Variants in MAN2A1 observed in about 807,000 individuals in gnomAD.
MAN2A1 encodes the protein mannosidase alpha class 2A member 1.
In MAN2A1, 76 loss-of-function variants were observed where a neutral mutation model predicts 142.6. The observed-to-expected ratio is 0.53, with a 90% CI of 0.44 to 0.65. MAN2A1 has a LOEUF of 0.65. Among genes scored for constraint, MAN2A1 ranks in the 30% least tolerant of loss-of-function variants. The probability of loss-of-function intolerance (pLI) is 0.00; values close to 1 mark genes in which losing one functional copy is unlikely to be tolerated. For synonymous variants in MAN2A1, 559 were observed against 473.2 expected, an observed-to-expected ratio of 1.18 and a Z score of -2.35; for missense variants, 1,311 against 1,365.1, an observed-to-expected ratio of 0.96 and a Z score of 0.62.
intron 19 of MAN2A1, among the ~76,000 whole-genome samples, chr5:109,851,980 G>C (rs965988050): frequency 6.6e-6 from 1 of 152,044 alleles, no homozygotes; most frequent in African/African-American, 2.4e-5. Flanking sequence ...ATCCCACCAA[G>C]ACCCACAACT....
chr5:109,848,762 C>G (rs181058827), intron 19 of MAN2A1, among the ~76,000 whole-genome samples: 1 of 152,274 alleles, frequency 6.6e-6, no homozygotes, highest in Non-Finnish European at 1.5e-5. Context: ...AGCTTTTGAA[C>G]ACTCTGTTTT....
chr5:109,840,078 A>T (rs143071400), intron 16 of MAN2A1: 1 of 169,382 alleles, frequency 5.9e-6, no homozygotes. Context: ...CATTAACAAG[A>T]TTATGCATTT....
chr5:109,731,391 A>G (rs1240867488), intron 4 of MAN2A1, among the ~76,000 whole-genome samples: 1 of 151,310 alleles, frequency 6.6e-6, no homozygotes, highest in Non-Finnish European at 1.5e-5. Flanking sequence ...TTTAAGTTTT[A>G]GGGTACATGT....
intron 3 of MAN2A1, among the ~76,000 whole-genome samples, chr5:109,722,747 A>G (rs1168772204): frequency 6.6e-6 from 1 of 152,116 alleles, no homozygotes; most frequent in Non-Finnish European, 1.5e-5. Flanking sequence ...GGTTTCTTTT[A>G]GAGACTTTGA....
At chr5:109,793,951 G>A (rs1753798276) in intron 12 of MAN2A1, among the ~76,000 whole-genome samples, 1 of 152,100 alleles carries the variant, frequency 6.6e-6, no homozygotes, top group South Asian at 2.1e-4. Context: ...TTAGTTTAAT[G>A]GGATTCAAGG....
intron 21 of MAN2A1, 38 bp downstream of exon 21, chr5:109,865,184 G>T: frequency 7.1e-7 from 1 of 1,406,054 alleles, no homozygotes; most frequent in Non-Finnish European, 1.0e-6. Flanking sequence ...CTGTTAGTGT[G>T]CTTTGAAATC....
intron 12 of MAN2A1, chr5:109,804,028 C>G (rs901470789): frequency 3.4e-5 from 9 of 261,332 alleles, no homozygotes; most frequent in African/African-American, 6.9e-5. Flanking sequence ...TCCATCATGT[C>G]TTCTGAAATA....
intron 5 of MAN2A1, among the ~76,000 whole-genome samples, chr5:109,756,577 A>C (rs1561495755): frequency 6.6e-6 from 1 of 152,190 alleles, no homozygotes; most frequent in Non-Finnish European, 1.5e-5. Context: ...CCCTTCACCC[A>C]GATTTACCAG....
At chr5:109,738,676 G>A (rs939660896) in intron 4 of MAN2A1, among the ~76,000 whole-genome samples, 1 of 152,096 alleles carries the variant, frequency 6.6e-6, no homozygotes, top group Non-Finnish European at 1.5e-5. Context: ...TGGTTTTTGT[G>A]AGGATTGAAT....
intron 19 of MAN2A1, among the ~76,000 whole-genome samples, chr5:109,853,031 C>T (rs750774018): frequency 1.3e-5 from 2 of 152,162 alleles, no homozygotes; most frequent in Non-Finnish European, 2.9e-5. Flanking sequence ...ACTTCCTTAT[C>T]TTTCTAAGGA....
At chr5:109,712,802 T>C (rs1751338639) in intron 1 of MAN2A1, among the ~76,000 whole-genome samples, 1 of 152,228 alleles carries the variant, frequency 6.6e-6, no homozygotes. Flanking sequence ...GTACCTTCTA[T>C]GTACTTGGAA....
chr5:109,746,433 TTTGCTCTTTTC>T, intron 4 of MAN2A1, among the ~76,000 whole-genome samples: 3 of 152,188 alleles, frequency 2.0e-5, no homozygotes, highest in Non-Finnish European at 4.4e-5. Context: ...TCCTTGTCAT[TTTGCTCTTTTC>T]ACAGGAGGTA....
intron 15 of MAN2A1, among the ~76,000 whole-genome samples, chr5:109,822,959 T>G (rs1403800437): frequency 1.3e-5 from 2 of 152,198 alleles, no homozygotes; most frequent in African/African-American, 2.4e-5. Context: ...TTACAAGGCG[T>G]GAGCCACGGC....
Position 109,847,639 on chromosome 5 carries a change from TG to T in MAN2A1, c.2843-17del. 2 of 1,498,218 alleles carry T rather than the reference TG, an allele frequency of 1.3e-6. No individual in the cohort carries two copies. Among genetic ancestry groups the T allele is most frequent in the South Asian group, 2.7e-5 (2 of 74,722 alleles). 92.8% of individuals were successfully genotyped at this position (1,498,218 alleles called of 1,614,324 possible). A position where few individuals can be genotyped will look rare whatever the true frequency, so the allele number is the denominator to read the frequency against. On this transcript the variant is annotated splice_polypyrimidine_tract_variant and intron_variant, in intron 18 of 21. Coordinates refer to ENST00000261483, the MANE Select transcript of MAN2A1 (RefSeq NM_002372.4). Reference sequence around the variant, plus strand: ...ATTATTCTGGTCAGTTTTGCTTGTTTGTTTGTTTGTGTGTTAGGTCAGATTG... The same window carrying T: ...ATTATTCTGGTCAGTTTTGCTTGTTTTTTGTTTGTGTGTTAGGTCAGATTG...
chr5:109,797,091 G>C (rs1753883564), intron 12 of MAN2A1, among the ~76,000 whole-genome samples: 1 of 152,194 alleles, frequency 6.6e-6, no homozygotes, highest in Admixed American at 6.5e-5. Context: ...AGCAAACACA[G>C]AGTCTAGGTA....
intron 8 of MAN2A1, among the ~76,000 whole-genome samples, chr5:109,780,478 T>C (rs1753425792): frequency 1.3e-5 from 2 of 151,972 alleles, no homozygotes. Context: ...AGCTATGCTA[T>C]TGCTACCTTG....
At chr5:109,692,450 C>CATTCTA (rs1561462231) in intron 1 of MAN2A1, among the ~76,000 whole-genome samples, 1 of 152,156 alleles carries the variant, frequency 6.6e-6, no homozygotes, top group African/African-American at 2.4e-5. Context: ...AGCAGATAGA[C>CATTCTA]ATTCTAAGAC....
intron 20 of MAN2A1, among the ~76,000 whole-genome samples, chr5:109,856,976 T>A (rs940908963): frequency 6.6e-6 from 1 of 152,124 alleles, no homozygotes; most frequent in Non-Finnish European, 1.5e-5. Flanking sequence ...TGTTAAGTGT[T>A]ATGAAGGAGT....
At chr5:109,794,188 G>A (rs1341993823) in intron 12 of MAN2A1, 1 of 152,094 alleles carries the variant, frequency 6.6e-6, no homozygotes, top group Non-Finnish European at 1.5e-5. Flanking sequence ...GGAGCTTAAC[G>A]GCGGAAGTGA....
Sources: gnomAD v4.1 joint callset for allele counts (sites outside exome capture counted in the v4.1 genomes callset) on GRCh38, gnomAD v4.1.1 for gene constraint, MANE v1.5 for transcripts, NCBI Gene and HGNC (gene_info 2026-07-23, HGNC 2026-07-21) for gene names.